The following ERAP1 variants were observed in gnomAD, a reference collection of about 807,000 sequenced individuals.
The protein encoded by ERAP1 is adipocyte-derived leucine aminopeptidase.
ERAP1 carries 86 observed loss-of-function variants against 103.7 expected under a neutral mutation model. That is an observed-to-expected ratio of 0.83 (90% CI 0.70 to 0.99). The LOEUF (loss-of-function observed/expected upper bound fraction) is 0.99, where lower values mean the gene tolerates loss of function less well. Among genes scored for constraint, ERAP1 ranks in the 50% least tolerant of loss-of-function variants. The probability of loss-of-function intolerance (pLI) is 0.00; values close to 1 mark genes in which losing one functional copy is unlikely to be tolerated. For missense variants in ERAP1, 1,009 were observed against 1,128.4 expected (o/e 0.89, Z 1.52); for synonymous variants, 398 against 402.4 (o/e 0.99, Z 0.13).
At chr5:96,858,753 A>C in the ERAP1 span, among the ~76,000 whole-genome samples, 1 of 152,166 alleles carries the variant, frequency 6.6e-6, no homozygotes, top group Non-Finnish European at 1.5e-5. Context: ...TCCCCAGGTT[A>C]GATTAATCAT....
At chr5:96,767,546 C>T in intron 19 of ERAP1, 2 of 1,325,534 alleles carry the variant, frequency 1.5e-6, no homozygotes, top group Admixed American at 3.5e-5. Context: ...GGGTATTTGG[C>T]ATTTTAGAAA....
chr5:96,851,942 G>A, the ERAP1 span, among the ~76,000 whole-genome samples: 21 of 152,274 alleles, frequency 1.4e-4, no homozygotes, highest in African/African-American at 4.8e-4. Context: ...AATAGACATG[G>A]TGGTGTGGAA....
intron 7 of ERAP1, among the ~76,000 whole-genome samples, chr5:96,793,194 C>T (rs1313527295): frequency 6.6e-6 from 1 of 152,188 alleles, no homozygotes; most frequent in African/African-American, 2.4e-5. Context: ...ATCATAGATT[C>T]ACAACTGAGT....
chr5:96,860,032 T>C, the ERAP1 span, among the ~76,000 whole-genome samples: 1 of 152,110 alleles, frequency 6.6e-6, no homozygotes, highest in Non-Finnish European at 1.5e-5. Context: ...AAAATACATA[T>C]TGTCTATCAA....
chr5:96,800,011 T>C (rs900299433), intron 3 of ERAP1, among the ~76,000 whole-genome samples: 1 of 152,220 alleles, frequency 6.6e-6, no homozygotes, highest in Non-Finnish European at 1.5e-5. Flanking sequence ...TGTTATGATA[T>C]TGCTTCCCCG....
At chr5:96,900,206 T>C in the ERAP1 span, 1 of 1,613,088 alleles carries the variant, frequency 6.2e-7, no homozygotes, top group Non-Finnish European at 8.5e-7. Context: ...ATAAAGAGAG[T>C]CACAGAGTAG....
chr5:96,915,903 C>G, the ERAP1 span: 7 of 647,068 alleles, frequency 1.1e-5, no homozygotes, highest in Non-Finnish European at 1.8e-5. Context: ...TGCCATATAG[C>G]AAGTAAATGG....
At chr5:96,892,193 T>G in the ERAP1 span, 1 of 1,148,504 alleles carries the variant, frequency 8.7e-7, no homozygotes, top group Non-Finnish European at 1.3e-6. Context: ...TTTCAAAAAG[T>G]CTGCTTAAAT....
At chr5:96,850,518 G>A in the ERAP1 span, among the ~76,000 whole-genome samples, 7,281 of 152,170 alleles carry the variant, frequency 0.048, 215 homozygotes, top group South Asian at 0.11. Context: ...TGATCAAAAT[G>A]CAAATCAAAA....
chr5:96,849,402 A>G, the ERAP1 span, among the ~76,000 whole-genome samples: 2 of 152,222 alleles, frequency 1.3e-5, no homozygotes, highest in Non-Finnish European at 2.9e-5. Flanking sequence ...TAGAACTAAT[A>G]AACAAATTGA....
At chr5:96,930,490 C>G in the ERAP1 span, among the ~76,000 whole-genome samples, 1 of 152,080 alleles carries the variant, frequency 6.6e-6, no homozygotes, top group East Asian at 1.9e-4. Flanking sequence ...GCATAAATTC[C>G]TGTTCTCTTT....
At chr5:96,762,401 A>C (rs376639885) in exon 20 of ERAP1, 12 of 1,501,866 alleles carry the variant, frequency 8.0e-6, no homozygotes, top group Non-Finnish European at 1.1e-5. Context: ...TTGGGAGATA[A>C]ATGTTTTTGC....
the ERAP1 span, among the ~76,000 whole-genome samples, chr5:96,818,521 T>C: frequency 2.0e-5 from 3 of 150,986 alleles, no homozygotes; most frequent in Admixed American, 2.0e-4. Context: ...GCTGAGAGAA[T>C]AACCCCAAAG....
the ERAP1 span, chr5:96,892,561 G>C: frequency 7.7e-7 from 1 of 1,295,916 alleles, no homozygotes; most frequent in Admixed American, 2.1e-5. Context: ...CCTCTAGAGG[G>C]GAACTTAGAG....
intron 19 of ERAP1, chr5:96,767,382 C>T: frequency 6.9e-7 from 1 of 1,443,356 alleles, no homozygotes; most frequent in South Asian, 1.2e-5. Flanking sequence ...CTGCCTAAAC[C>T]TAAGTAAACC....
chr5:96,905,299 C>T, the ERAP1 span, among the ~76,000 whole-genome samples: 2 of 151,818 alleles, frequency 1.3e-5, no homozygotes, highest in African/African-American at 2.4e-5. Context: ...AAAATAAGTG[C>T]GAAGGGGAAA....
At chr5:96,789,343 C>T (rs545624607) in intron 10 of ERAP1, among the ~76,000 whole-genome samples, 2 of 152,000 alleles carry the variant, frequency 1.3e-5, no homozygotes, top group Admixed American at 6.5e-5. Context: ...AAAAATTAAC[C>T]GGGTGTAGTG....
the ERAP1 span, among the ~76,000 whole-genome samples, chr5:96,906,943 G>A: frequency 2.8e-4 from 42 of 152,246 alleles, no homozygotes; most frequent in East Asian, 6.4e-3. Flanking sequence ...CAGGAGAATC[G>A]CTTGAACCCG....
At chr5:96,877,986 A>C in the ERAP1 span, among the ~76,000 whole-genome samples, 1 of 152,232 alleles carries the variant, frequency 6.6e-6, no homozygotes, top group Non-Finnish European at 1.5e-5. Context: ...TAAAAAGAAG[A>C]AGTAGCAGAG....
Sources: allele counts gnomAD v4.1 joint callset (sites outside exome capture counted in the v4.1 genomes callset), GRCh38; gene constraint gnomAD v4.1.1; transcripts MANE v1.5; gene names NCBI Gene and HGNC (gene_info 2026-07-23, HGNC 2026-07-21).